The following ADGRV1 variants were observed in gnomAD, a reference collection of about 807,000 sequenced individuals.
ADGRV1 encodes the protein G-protein coupled receptor 98.
In ADGRV1, 359 loss-of-function variants were observed where a neutral mutation model predicts 596.2. The observed-to-expected ratio is 0.60, with a 90% CI of 0.55 to 0.66. The LOEUF (loss-of-function observed/expected upper bound fraction) is 0.66, where lower values mean the gene tolerates loss of function less well. Among genes scored for constraint, ADGRV1 ranks in the 30% least tolerant of loss-of-function variants. The pLI is 0.00. For missense variants in ADGRV1, 7,274 were observed against 7,575.6 expected (o/e 0.96, Z 1.48); for synonymous variants, 2,681 against 2,679.2 (o/e 1.00, Z -0.02).
At chr5:90,872,615 G>A (rs1768802463) in intron 83 of ADGRV1, among the ~76,000 whole-genome samples, 1 of 152,180 alleles carries the variant, frequency 6.6e-6, no homozygotes, top group Admixed American at 6.5e-5. Context: ...CACTTGATAA[G>A]TTAATTCCAG....
chr5:90,595,144 C>G (rs1179493555), intron 1 of ADGRV1, among the ~76,000 whole-genome samples: 1 of 117,092 alleles, frequency 8.5e-6, no homozygotes, highest in Non-Finnish European at 1.8e-5. Context: ...CCGGACGGGG[C>G]GGCTGGCCGG....
intron 6 of ADGRV1, among the ~76,000 whole-genome samples, chr5:90,626,978 A>G (rs988769121): frequency 6.6e-6 from 1 of 152,212 alleles, no homozygotes; most frequent in African/African-American, 2.4e-5. Context: ...CCTGGACTTC[A>G]TTACTTGTAC....
At chr5:90,968,433 A>T (rs1453538849) in intron 84 of ADGRV1, among the ~76,000 whole-genome samples, 1 of 152,180 alleles carries the variant, frequency 6.6e-6, no homozygotes, top group Non-Finnish European at 1.5e-5. Flanking sequence ...CTCTTCTTTG[A>T]GTTAGGTAAA....
chr5:90,880,596 G>A (rs77146933), intron 83 of ADGRV1, among the ~76,000 whole-genome samples: 7,168 of 152,228 alleles, frequency 0.047, 225 homozygotes, highest in South Asian at 0.14. Flanking sequence ...CCTATGGGAG[G>A]TCATGAAAGC....
chr5:90,762,438 A>T (rs1756610329), intron 58 of ADGRV1, among the ~76,000 whole-genome samples: 1 of 152,190 alleles, frequency 6.6e-6, no homozygotes, highest in African/African-American at 2.4e-5. Context: ...AAATCTCATG[A>T]AGAAAACAAA....
intron 1 of ADGRV1, among the ~76,000 whole-genome samples, chr5:90,569,349 T>G (rs1756081643): frequency 7.7e-6 from 1 of 129,050 alleles, no homozygotes; most frequent in Non-Finnish European, 1.6e-5. Context: ...GGTTTCTGTT[T>G]GCATGATATA....
intron 75 of ADGRV1, among the ~76,000 whole-genome samples, chr5:90,820,754 T>C (rs1037431449): frequency 5.9e-5 from 9 of 151,764 alleles, no homozygotes; most frequent in East Asian, 2.0e-4. Context: ...CCCACTCTCT[T>C]CTGGCTTGTA....
chr5:90,644,024 A>C (rs1208998614), intron 14 of ADGRV1, 41 bp downstream of exon 14: 1 of 1,285,878 alleles, frequency 7.8e-7, no homozygotes, highest in African/African-American at 1.5e-5. Context: ...CTGTTTACTG[A>C]AGAAGAAATA....
Position 90,853,265 on chromosome 5 carries a change from C to A in ADGRV1, c.17205-19C>A, listed in dbSNP as rs768709013. ...CAAATACATGCCATTTTTACAGACC[C>A]TTTGCTTTTCTGTTGTAGAAGCAAA... On this transcript the variant is annotated intron_variant, in intron 79 of 89. Transcript: ENST00000405460. The A allele has an allele frequency of 3.4e-5, 54 of 1,585,232 alleles. No individual in the cohort carries two copies. Among genetic ancestry groups the A allele is most frequent in the Non-Finnish European group, 4.5e-5 (53 of 1,165,354 alleles).
At position 90,785,341 on chromosome 5, in the gene ADGRV1, G is replaced by A. The variant is rs1394320241; in HGVS notation, c.13653+1284G>A. On this transcript the variant is annotated intron_variant, in intron 67 of 89. Coordinates refer to ENST00000405460, the MANE Select transcript of ADGRV1 (RefSeq NM_032119.4). ...AGGCAATACCATTCAGGACATAGGC[G>A]TGGGCAAGGACTTCATGTCTAAAAC... 4.1e-4 allele frequency among the ~76,000 whole-genome samples: 63 copies of A among 152,034 alleles called. 1 individual carries two copies. The highest frequency in any genetic ancestry group is 4.1e-3 in the Admixed American group (63 of 15,256).
chr5:91,007,561 T>C (rs898746215), intron 85 of ADGRV1, among the ~76,000 whole-genome samples: 1 of 152,186 alleles, frequency 6.6e-6, no homozygotes, highest in Non-Finnish European at 1.5e-5. Context: ...AATGTTTTTC[T>C]TGATAATATT....
chr5:91,051,333 G>C (rs1253357407), intron 85 of ADGRV1, among the ~76,000 whole-genome samples: 3 of 152,068 alleles, frequency 2.0e-5, no homozygotes, highest in Non-Finnish European at 4.4e-5. Context: ...TGTACTTTGA[G>C]TACCCATACA....
chr5:91,084,390 C>A (rs1468955951), intron 86 of ADGRV1, among the ~76,000 whole-genome samples: 1 of 151,998 alleles, frequency 6.6e-6, no homozygotes, highest in Non-Finnish European at 1.5e-5. Flanking sequence ...AAGAAAAAAA[C>A]AAACAACCCC....
Position 91,072,447 on chromosome 5 carries a change from G to A in ADGRV1, c.18153G>A (p.Leu6051=). ...SQIYGLIHGD[L]CFIPNVYAAL... is the part of the protein sequence containing the mutation. ...TTACTTCTTCTCATTTCTCTTCCAG[G>A]TGTTTTATTCCAAACGTCTATGCTG... is the stretch of plus-strand genomic sequence containing the variant. Residue 6051 remains leucine, a splice_region_variant and synonymous_variant, in exon 86 of 90, where the codon CTG becomes CTA. Coordinates refer to ENST00000405460, the MANE Select transcript of ADGRV1 (RefSeq NM_032119.4). 1.2e-6 allele frequency: 2 copies of A among 1,612,930 alleles called. No homozygotes were observed. The highest frequency in any genetic ancestry group is 1.7e-6 in the Non-Finnish European group (2 of 1,179,018).
At chr5:91,040,495 GT>G (rs1207968046) in intron 85 of ADGRV1, among the ~76,000 whole-genome samples, 53 of 152,274 alleles carry the variant, frequency 3.5e-4, no homozygotes, top group African/African-American at 1.2e-3. Flanking sequence ...ATGTGTTGAT[GT>G]TAATTTGCAT....
Position 90,986,796 on chromosome 5 carries a change from C to T in ADGRV1, c.18152+1274C>T, listed in dbSNP as rs562570183. On this transcript the variant is annotated intron_variant, in intron 85 of 89. Coordinates refer to ENST00000405460, the MANE Select transcript of ADGRV1 (RefSeq NM_032119.4). The stretch of plus-strand genomic sequence containing the variant: ...TACTATCCCTTGCATTAATTTAAAT[C>T]GTGGACTGCCAGGATTAATTTCAGA... 5.9e-5 allele frequency among the ~76,000 whole-genome samples: 9 copies of T among 152,216 alleles called. No homozygotes were observed. The East Asian group carries it at 1.4e-3, about 23-fold the overall frequency.
At position 90,965,515 on chromosome 5, in the gene ADGRV1, G is replaced by A. The variant is rs1778374625; in HGVS notation, c.17957G>A (p.Ser5986Asn). The A allele has an allele frequency of 6.2e-7, 1 of 1,608,058 alleles. No homozygotes were observed. Among genetic ancestry groups the A allele is most frequent in the Non-Finnish European group, 8.5e-7 (1 of 1,175,016 alleles). Residue 5986 changes from serine (S) to asparagine (N), a missense_variant, in exon 84 of 90, where the codon AGC becomes AAC. Coordinates refer to ENST00000405460, the MANE Select transcript of ADGRV1 (RefSeq NM_032119.4). Reference protein sequence around the residue: ...VTHYLYLCQFSWMLIQSVNFW... With the variant: ...VTHYLYLCQFNWMLIQSVNFW... ...CATTACCTGTATCTTTGCCAGTTTA[G>A]CTGGATGCTCATTCAGGTTGGTACC... is the stretch of plus-strand genomic sequence containing the variant.
chr5:90,633,048 C>A (rs1258940483), intron 9 of ADGRV1, among the ~76,000 whole-genome samples: 1 of 152,126 alleles, frequency 6.6e-6, no homozygotes, highest in Non-Finnish European at 1.5e-5. Flanking sequence ...TCTTTAGTAA[C>A]CCTCTCAGCT....
intron 85 of ADGRV1, among the ~76,000 whole-genome samples, chr5:91,057,990 C>T (rs886942442): frequency 7.9e-5 from 12 of 152,100 alleles, no homozygotes; most frequent in African/African-American, 2.4e-4. Flanking sequence ...TCAATAGTCC[C>T]CTAACCCCTG....
Sources: allele counts gnomAD v4.1 joint callset (sites outside exome capture counted in the v4.1 genomes callset), GRCh38; gene constraint gnomAD v4.1.1; transcripts MANE v1.5; gene names NCBI Gene and HGNC (gene_info 2026-07-23, HGNC 2026-07-21).